CELF2: variants seen among roughly 807,000 people sequenced by gnomAD.
The protein encoded by CELF2 is CUG triplet repeat RNA-binding protein 2.
In CELF2, 8 loss-of-function variants were observed where a neutral mutation model predicts 62.6. The ratio of observed to expected loss-of-function variants is 0.13; its 90% CI spans 0.07 to 0.23. CELF2 has a LOEUF of 0.23. Among genes scored for constraint, CELF2 ranks in the 10% least tolerant of loss-of-function variants. The probability of loss-of-function intolerance (pLI) is 1.00; values close to 1 mark genes in which losing one functional copy is unlikely to be tolerated. For missense variants in CELF2, 333 were observed against 671.0 expected, an observed-to-expected ratio of 0.50 and a Z score of 5.56; for synonymous variants, 258 against 250.0, an observed-to-expected ratio of 1.03 and a Z score of -0.30.
the CELF2 span, among the ~76,000 whole-genome samples, chr10:10,727,793 GAAAGA>G: frequency 1.3e-4 from 20 of 150,736 alleles, no homozygotes; most frequent in African/African-American, 4.1e-4. Context: ...AAAAAAGAAA[GAAAGA>G]AAAGAAAAGA....
chr10:10,711,075 G>A, the CELF2 span, among the ~76,000 whole-genome samples: 2 of 152,146 alleles, frequency 1.3e-5, no homozygotes, highest in African/African-American at 4.8e-5. Context: ...GGGAAGGGTT[G>A]CAGTGGTCCT....
chr10:11,038,813 G>A (rs1454601639), intron 1 of CELF2, among the ~76,000 whole-genome samples: 1 of 152,078 alleles, frequency 6.6e-6, no homozygotes, highest in Non-Finnish European at 1.5e-5. Flanking sequence ...CCCCATAGGT[G>A]GGCTTAAAAC....
chr10:10,859,596 A>G (rs1300057143), intron 1 of CELF2, among the ~76,000 whole-genome samples: 1 of 152,176 alleles, frequency 6.6e-6, no homozygotes, highest in Non-Finnish European at 1.5e-5. Flanking sequence ...CTGTCATCCT[A>G]TTAAATAACC....
At chr10:10,895,632 C>A (rs865857403) in intron 1 of CELF2, among the ~76,000 whole-genome samples, 11 of 152,216 alleles carry the variant, frequency 7.2e-5, no homozygotes, top group African/African-American at 2.6e-4. Context: ...ATTTTCCAGT[C>A]CCCAAAAATA....
chr10:11,078,202 C>T (rs954125856), intron 1 of CELF2, among the ~76,000 whole-genome samples: 1 of 151,154 alleles, frequency 6.6e-6, no homozygotes, highest in African/African-American at 2.4e-5. Context: ...AAAAATGCTC[C>T]TCCAGTTGCT....
rs987895766 is a variant in CELF2 at position 11,217,806 on chromosome 10, GA to G, written c.354+308del. On this transcript the variant is annotated intron_variant, in intron 3 of 12. Transcript: ENST00000633077. This position sits in a 1 kb window ranked among gnomAD's most constrained non-coding sequence, Gnocchi z 5.6. Reference sequence around the variant, plus strand: ...ATTGGGTGGGCTAAGATTTTAAAAGGAAAAAAAAACCCAACACACACAAGAG... The same window carrying G: ...ATTGGGTGGGCTAAGATTTTAAAAGGAAAAAAAACCCAACACACACAAGAG... Among the ~76,000 whole-genome samples, 5 of 150,046 alleles carry G rather than the reference GA, an allele frequency of 3.3e-5. No individual in the cohort carries two copies. Among genetic ancestry groups the G allele is most frequent in the African/African-American group, 7.4e-5 (3 of 40,772 alleles).
the CELF2 span, among the ~76,000 whole-genome samples, chr10:10,689,656 G>A: frequency 2.6e-5 from 4 of 152,194 alleles, no homozygotes; most frequent in East Asian, 1.9e-4. Context: ...ACCAGAAAAG[G>A]CATTCAAATC....
chr10:10,719,577 T>G, the CELF2 span, among the ~76,000 whole-genome samples: 347 of 152,290 alleles, frequency 2.3e-3, 4 homozygotes, highest in African/African-American at 6.2e-3. Flanking sequence ...CTATATTGAT[T>G]GCTTTTATAT....
At chr10:10,967,069 G>A (rs73579413) in intron 2 of CELF2, among the ~76,000 whole-genome samples, 4,338 of 152,252 alleles carry the variant, frequency 0.028, 218 homozygotes, top group African/African-American at 0.099. Flanking sequence ...GCAGCCCCAC[G>A]AACAAAAGTA....
At chr10:10,561,009 C>G in the CELF2 span, among the ~76,000 whole-genome samples, 2 of 142,320 alleles carry the variant, frequency 1.4e-5, no homozygotes, top group Non-Finnish European at 3.0e-5. Context: ...ACTTTGGAAA[C>G]TTAGGGGGCA....
intron 1 of CELF2, among the ~76,000 whole-genome samples, chr10:10,857,667 A>ATATAC (rs1278664535): frequency 7.1e-6 from 1 of 140,904 alleles, no homozygotes; most frequent in East Asian, 2.1e-4. Flanking sequence ...ATATATATAT[A>ATATAC]TATATATATA....
At chr10:11,158,453 G>A (rs1352572697) in intron 1 of CELF2, among the ~76,000 whole-genome samples, 1 of 152,032 alleles carries the variant, frequency 6.6e-6, no homozygotes, top group Non-Finnish European at 1.5e-5. Flanking sequence ...CTCTCCCTGT[G>A]CAAACGCCTC....
rs907012906 is a variant in CELF2, at chr10:10,823,626, A to G, written c.53+24809A>G. 2.0e-5 allele frequency among the ~76,000 whole-genome samples: 3 copies of G among 152,196 alleles called. No individual in the cohort carries two copies. In the South Asian group the frequency reaches 6.2e-4, roughly 31 times the overall value. ...CTGAATTATGTTAAATGTAAAAAAC[A>G]TCAACATAATTTTTATTCATTTAAA... On this transcript the variant is annotated intron_variant, in intron 1 of 13. Coordinates refer to the CELF2 transcript ENST00000636488.
At chr10:11,229,741 C>T (rs1392452285) in intron 3 of CELF2, among the ~76,000 whole-genome samples, 2 of 152,256 alleles carry the variant, frequency 1.3e-5, no homozygotes, top group Non-Finnish European at 2.9e-5. Context: ...AGGCATGTGC[C>T]ACCACATCCA....
the CELF2 span, among the ~76,000 whole-genome samples, chr10:10,726,198 G>A: frequency 6.6e-6 from 1 of 152,064 alleles, no homozygotes; most frequent in African/African-American, 2.4e-5. Context: ...CATCTTAGTG[G>A]CTCCAGATTC....
intron 1 of CELF2, among the ~76,000 whole-genome samples, chr10:10,829,047 A>G (rs1429075548): frequency 6.6e-6 from 1 of 152,266 alleles, no homozygotes; most frequent in African/African-American, 2.4e-5. Flanking sequence ...AATATGTAAT[A>G]TAGATTTATA....
At chr10:10,733,187 T>C in the CELF2 span, among the ~76,000 whole-genome samples, 1 of 151,610 alleles carries the variant, frequency 6.6e-6, no homozygotes, top group Non-Finnish European at 1.5e-5. Flanking sequence ...TGTAGACAAG[T>C]AGAGTCTACA....
Position 11,323,466 on chromosome 10 carries a change from A to T in CELF2, c.1294+2080A>T, listed in dbSNP as rs561307174. Among the ~76,000 whole-genome samples, 348 of 118,042 alleles carry T rather than the reference A, an allele frequency of 2.9e-3. 1 individual carries two copies. Among genetic ancestry groups the T allele is most frequent in the African/African-American group, 0.01 (329 of 31,666 alleles). 77.4% of individuals were successfully genotyped at this position (118,042 alleles called of 152,430 possible). On this transcript the variant is annotated intron_variant, in intron 11 of 12. Coordinates refer to ENST00000633077, the MANE Select transcript of CELF2 (RefSeq NM_001326342.2). ...ATAATAATAATAATAATAATAATGA[A>T]TTCCAGATTTTCTACTCCACAGTTC...
intron 2 of CELF2, among the ~76,000 whole-genome samples, chr10:10,958,423 C>T (rs1210076299): frequency 2.6e-5 from 4 of 152,178 alleles, no homozygotes; most frequent in South Asian, 2.1e-4. Flanking sequence ...TGCACCCCAA[C>T]TTGGGATTCT....
Sources: allele counts gnomAD v4.1 joint callset (sites outside exome capture counted in the v4.1 genomes callset), GRCh38; gene constraint gnomAD v4.1.1; non-coding constraint Gnocchi (gnomAD v3.1); transcripts MANE v1.5; gene names NCBI Gene and HGNC (gene_info 2026-07-23, HGNC 2026-07-21).